EYS: variants seen among roughly 807,000 people sequenced by gnomAD.
EYS encodes the protein EGF-like photoreceptor maintenance factor.
EYS carries 250 observed loss-of-function variants against 282.1 expected under a neutral mutation model. The observed-to-expected ratio is 0.89, with a 90% confidence interval of 0.80 to 0.98. The LOEUF is 0.98. Ranked by LOEUF, EYS falls within the 50% of genes least tolerant of loss-of-function variation. The probability of loss-of-function intolerance (pLI) is 0.00; values close to 1 mark genes in which losing one functional copy is unlikely to be tolerated. For missense variants in EYS, 4,016 were observed against 3,709.0 expected (o/e 1.08, Z -2.15); for synonymous variants, 1,355 against 1,282.9 (o/e 1.06, Z -1.20).
At chr6:63,952,285 C>A (rs1036997034) in intron 35 of EYS, among the ~76,000 whole-genome samples, 19 of 152,320 alleles carry the variant, frequency 1.2e-4, no homozygotes, top group Non-Finnish European at 2.1e-4. Flanking sequence ...GACTATCCAA[C>A]TCACCCGGCA....
chr6:65,178,918 C>T (rs1402147678), intron 12 of EYS, among the ~76,000 whole-genome samples: 1 of 151,700 alleles, frequency 6.6e-6, no homozygotes, highest in African/African-American at 2.4e-5. Context: ...CACTCAAAAC[C>T]GCTCAACTAC....
chr6:64,346,900 C>G (rs539009910), intron 29 of EYS, among the ~76,000 whole-genome samples: 1 of 151,332 alleles, frequency 6.6e-6, no homozygotes, highest in Non-Finnish European at 1.5e-5. Flanking sequence ...ATATGTATCA[C>G]TATAAGCTCT....
intron 22 of EYS, among the ~76,000 whole-genome samples, chr6:64,686,783 ATATATGTGTG>A (rs1562133774): frequency 1.0e-4 from 2 of 19,818 alleles, no homozygotes; most frequent in Non-Finnish European, 3.5e-4. Context: ...ATATATATAT[ATATATGTGTG>A]TATATATATA....
chr6:64,444,582 T>C (rs1268524619), intron 26 of EYS, among the ~76,000 whole-genome samples: 6 of 152,204 alleles, frequency 3.9e-5, no homozygotes, highest in Non-Finnish European at 8.8e-5. Context: ...TGTAAAGTAC[T>C]TGAGAGTATG....
intron 31 of EYS, among the ~76,000 whole-genome samples, chr6:64,129,092 A>G (rs1476693255): frequency 6.6e-6 from 1 of 152,210 alleles, no homozygotes; most frequent in African/African-American, 2.4e-5. Context: ...TATTGTTTAT[A>G]GATGTTTTGC....
chr6:64,324,374 G>T (rs1432871455), intron 29 of EYS, among the ~76,000 whole-genome samples: 1 of 152,108 alleles, frequency 6.6e-6, no homozygotes, highest in Non-Finnish European at 1.5e-5. Context: ...AGAATTAAAA[G>T]CAAAAATCAA....
chr6:65,517,347 A>AAAAAT (rs1303849302), intron 2 of EYS, among the ~76,000 whole-genome samples: 76 of 151,632 alleles, frequency 5.0e-4, no homozygotes, highest in African/African-American at 1.8e-3. Context: ...ACAACAAAAA[A>AAAAAT]AAAACAAAAG....
chr6:65,238,432 C>T lies in EYS; in HGVS notation c.2023+57431G>A, dbSNP rs564781303. ...AGTTATCTCATTTTGATCTCTGAAG[C>T]GCTGGGTTTGAATCCTAGGTTTGAT... is the stretch of plus-strand genomic sequence containing the variant. On this transcript the variant is annotated intron_variant, in intron 12 of 42. Transcript: ENST00000503581. Among the ~76,000 whole-genome samples the T allele has an allele frequency of 7.9e-5, 12 of 151,772 alleles. No individual in the cohort carries two copies. In the East Asian group the frequency reaches 1.5e-3, roughly 20 times the overall value.
intron 7 of EYS, among the ~76,000 whole-genome samples, chr6:65,396,894 A>G (rs559088141): frequency 1.6e-4 from 25 of 151,906 alleles, no homozygotes; most frequent in African/African-American, 5.8e-4. Context: ...ATCCTATCTA[A>G]GCTAACTCTT....
intron 41 of EYS, among the ~76,000 whole-genome samples, chr6:63,761,597 A>T (rs1769643847): frequency 6.6e-6 from 1 of 152,022 alleles, no homozygotes; most frequent in Non-Finnish European, 1.5e-5. Context: ...AAAACATCCA[A>T]ATAATGCAAA....
intron 36 of EYS, among the ~76,000 whole-genome samples, chr6:63,853,742 GT>G (rs1268739239): frequency 6.6e-6 from 1 of 152,074 alleles, no homozygotes; most frequent in African/African-American, 2.4e-5. Context: ...TATACTACAA[GT>G]TTACAGTAAC....
intron 14 of EYS, among the ~76,000 whole-genome samples, chr6:64,973,106 T>C (rs1770352602): frequency 6.6e-6 from 1 of 152,072 alleles, no homozygotes; most frequent in Admixed American, 6.6e-5. Flanking sequence ...TAGCCCTATA[T>C]ACCGAAAGGA....
chr6:64,543,491 T>A (rs1036768470), intron 26 of EYS, among the ~76,000 whole-genome samples: 5 of 152,102 alleles, frequency 3.3e-5, no homozygotes, highest in Admixed American at 2.6e-4. Flanking sequence ...AAATTCAAAA[T>A]TCAAATGATA....
intron 19 of EYS, among the ~76,000 whole-genome samples, chr6:64,836,671 T>G (rs1402237572): frequency 2.0e-5 from 3 of 151,614 alleles, no homozygotes; most frequent in African/African-American, 7.3e-5. Flanking sequence ...TGCAGTCAAA[T>G]GAGCACATGG....
At chr6:65,053,839 A>T (rs1399659716) in intron 13 of EYS, among the ~76,000 whole-genome samples, 1 of 151,958 alleles carries the variant, frequency 6.6e-6, no homozygotes, top group Non-Finnish European at 1.5e-5. Context: ...AATTCCAAAC[A>T]AGTAAAGTTA....
In EYS at chr6:64,163,715, G is replaced by T. The variant is rs529193742; in HGVS notation, c.6424+66877C>A. Among the ~76,000 whole-genome samples the T allele has an allele frequency of 1.1e-4, 17 of 152,088 alleles. No homozygotes were observed. In the East Asian group the frequency reaches 1.4e-3, roughly 12 times the overall value. On this transcript the variant is annotated intron_variant, in intron 31 of 42. Coordinates refer to ENST00000503581, the MANE Select transcript of EYS (RefSeq NM_001142800.2). ...AGGCAAATCTTTCTGTAAGGCAAAA[G>T]GATTTTTTTAAAAAAATTTAATCTG...
intron 37 of EYS, among the ~76,000 whole-genome samples, chr6:63,795,106 G>A (rs1582214709): frequency 6.6e-6 from 1 of 152,188 alleles, no homozygotes; most frequent in East Asian, 1.9e-4. Context: ...TGGCTAGAAA[G>A]AAAAGTCATA....
chr6:64,983,121 A>C (rs758270389), intron 14 of EYS, among the ~76,000 whole-genome samples: 1 of 151,266 alleles, frequency 6.6e-6, no homozygotes, highest in African/African-American at 2.4e-5. Flanking sequence ...AAAAAGATAA[A>C]GCGTTCATAT....
At chr6:64,344,895 T>C (rs1215785820) in intron 29 of EYS, among the ~76,000 whole-genome samples, 1 of 152,102 alleles carries the variant, frequency 6.6e-6, no homozygotes, top group East Asian at 1.9e-4. Context: ...AGCACTCCTA[T>C]ACACCAATAA....
Sources: gnomAD v4.1 joint callset for allele counts (sites outside exome capture counted in the v4.1 genomes callset) on GRCh38, gnomAD v4.1.1 for gene constraint, MANE v1.5 for transcripts, NCBI Gene and HGNC (gene_info 2026-07-23, HGNC 2026-07-21) for gene names.